The following IMPG1 variants were observed in gnomAD, a reference collection of about 807,000 sequenced individuals.
The protein encoded by IMPG1 is interphotoreceptor matrix proteoglycan of 150 kDa.
IMPG1 carries 85 observed loss-of-function variants against 92.0 expected under a neutral mutation model. The observed-to-expected ratio is 0.92, with a 90% CI of 0.78 to 1.11. The LOEUF (loss-of-function observed/expected upper bound fraction) is 1.11. Ranked by LOEUF, IMPG1 falls within the 50% of genes least tolerant of loss-of-function variation. IMPG1 has a pLI of 0.00. For synonymous variants in IMPG1, 367 were observed against 334.1 expected, an observed-to-expected ratio of 1.10 and a Z score of -1.08; for missense variants, 1,022 against 956.0, an observed-to-expected ratio of 1.07 and a Z score of -0.91.
At chr6:76,049,372 T>C (rs1562383803) in intron 1 of IMPG1, among the ~76,000 whole-genome samples, 1 of 152,204 alleles carries the variant, frequency 6.6e-6, no homozygotes. Context: ...TGTCTTTCCC[T>C]CCTTTTCCAA....
At position 76,005,515 on chromosome 6, in the gene IMPG1, G is replaced by A. The variant is rs1366194463; in HGVS notation, c.907C>T (p.Gln303Ter). 7.4e-6 allele frequency: 12 copies of A among 1,613,898 alleles called. No homozygotes were observed. Among genetic ancestry groups the A allele is most frequent in the Middle Eastern group, 1.7e-4 (1 of 6,048 alleles). ...EKDGSSSTEM[Q>*]LTAIFKRHSA... ...TGTCTCTTAAAGATGGCCGTAAGTTGCATCTCTGTGGAGCTTGAGCTGTAG... is the reference window on the plus strand; with the variant it reads ...TGTCTCTTAAAGATGGCCGTAAGTTACATCTCTGTGGAGCTTGAGCTGTAG... Residue 303 changes from glutamine (Q) to a stop codon, truncating the protein, a stop_gained, in exon 10 of 17, where the codon CAA becomes TAA. Transcript: ENST00000369950. LOFTEE classifies it high-confidence loss of function.
chr6:75,990,233 A>G (rs1318281036), intron 12 of IMPG1, among the ~76,000 whole-genome samples: 1 of 152,204 alleles, frequency 6.6e-6, no homozygotes, highest in East Asian at 1.9e-4. Flanking sequence ...AGCATTTCAA[A>G]TTGCATAAAG....
intron 12 of IMPG1, among the ~76,000 whole-genome samples, chr6:75,999,820 A>G (rs963897471): frequency 2.0e-5 from 3 of 152,240 alleles, no homozygotes; most frequent in African/African-American, 7.2e-5. Flanking sequence ...CTTATAGAGC[A>G]TTGACTGAAG....
At chr6:76,037,866 A>G (rs141985312) in intron 2 of IMPG1, among the ~76,000 whole-genome samples, 3 of 152,242 alleles carry the variant, frequency 2.0e-5, no homozygotes, top group Non-Finnish European at 2.9e-5. Flanking sequence ...GGAAGATATT[A>G]TGTGACAATC....
At chr6:76,052,309 C>A (rs1057215937) in intron 1 of IMPG1, among the ~76,000 whole-genome samples, 2 of 152,104 alleles carry the variant, frequency 1.3e-5, no homozygotes, top group Non-Finnish European at 2.9e-5. Flanking sequence ...GAGGGCAGGG[C>A]ATATTGAGAA....
chr6:75,948,919 C>G (rs984628269), intron 13 of IMPG1, among the ~76,000 whole-genome samples: 2 of 152,120 alleles, frequency 1.3e-5, no homozygotes, highest in Admixed American at 6.6e-5. Flanking sequence ...TACCAATGAC[C>G]CAGCTTTGAC....
intron 12 of IMPG1, among the ~76,000 whole-genome samples, chr6:76,001,773 T>C (rs372709525): frequency 3.3e-5 from 5 of 152,228 alleles, no homozygotes; most frequent in South Asian, 2.1e-4. Context: ...TACAGATTTA[T>C]TGGCAAAATA....
chr6:76,026,086 T>G (rs866820136), intron 4 of IMPG1, among the ~76,000 whole-genome samples: 6 of 151,030 alleles, frequency 4.0e-5, no homozygotes, highest in African/African-American at 1.2e-4. Flanking sequence ...TCAAGCTGCA[T>G]GCGGGAAGCA....
At position 75,950,934 on chromosome 6, in the gene IMPG1, A is replaced by C. The variant is rs1782019558; in HGVS notation, c.1452T>G (p.Ser484Arg). 5 of 1,613,960 alleles carry C rather than the reference A, an allele frequency of 3.1e-6. No individual in the cohort carries two copies. The highest frequency in any genetic ancestry group is 4.2e-6 in the Non-Finnish European group (5 of 1,179,950). ...CCAGTTGGCTGATTGCAGAATAATC[A>C]CTGGTGGGGATGGTGAGCCCTGGTA... ...MLVPGLTIPT[S>R]DYSAISQLAL... Residue 484 changes from serine (S) to arginine (R), a missense_variant, in exon 13 of 17, where the codon AGT becomes AGG. Transcript: ENST00000369950.
At chr6:76,005,793 C>A (rs945650724) in intron 9 of IMPG1, among the ~76,000 whole-genome samples, 3 of 151,654 alleles carry the variant, frequency 2.0e-5, no homozygotes, top group African/African-American at 7.3e-5. Flanking sequence ...CTAACTGAAT[C>A]AAGTGACCAT....
At chr6:76,034,847 CA>C (rs1182453407) in intron 2 of IMPG1, 60 bp from the exon 3 acceptor site, 5 of 1,426,402 alleles carry the variant, frequency 3.5e-6, no homozygotes, top group Non-Finnish European at 3.9e-6. Context: ...CAATCCCAAG[CA>C]AAGTCTAATA....
intron 14 of IMPG1, among the ~76,000 whole-genome samples, chr6:75,934,481 GAA>G (rs1440426394): frequency 6.6e-6 from 1 of 152,172 alleles, no homozygotes; most frequent in African/African-American, 2.4e-5. Context: ...GGTGACTGAG[GAA>G]GTTTGTTTCC....
chr6:76,037,594 C>T (rs982615523), intron 2 of IMPG1, among the ~76,000 whole-genome samples: 1 of 152,190 alleles, frequency 6.6e-6, no homozygotes, highest in Non-Finnish European at 1.5e-5. Context: ...GGAAACAACA[C>T]TTGGATGTTT....
intron 9 of IMPG1, among the ~76,000 whole-genome samples, chr6:76,006,773 A>G (rs1402945825): frequency 1.3e-5 from 2 of 152,114 alleles, no homozygotes; most frequent in African/African-American, 4.8e-5. Flanking sequence ...TTATTATCCT[A>G]TTCATTAACT....
chr6:75,927,394 T>G (rs994728107), intron 15 of IMPG1, among the ~76,000 whole-genome samples: 4 of 152,150 alleles, frequency 2.6e-5, no homozygotes, highest in African/African-American at 9.7e-5. Context: ...TATGGTTGAT[T>G]GGGTTTTAAT....
At chr6:76,008,832 A>C (rs778883687) in intron 8 of IMPG1, among the ~76,000 whole-genome samples, 2 of 152,218 alleles carry the variant, frequency 1.3e-5, no homozygotes, top group Non-Finnish European at 2.9e-5. Context: ...CATATTCATC[A>C]ATCGCAAAGC....
intron 12 of IMPG1, among the ~76,000 whole-genome samples, chr6:75,963,547 C>T (rs142433391): frequency 1.8e-4 from 27 of 152,244 alleles, no homozygotes; most frequent in African/African-American, 6.3e-4. Flanking sequence ...TTAGACGCTC[C>T]AAAAGTCTGT....
chr6:75,921,666 C>T lies in IMPG1; in HGVS notation c.*423G>A, dbSNP rs116495016. 1,035 of 185,058 alleles carry T rather than the reference C, an allele frequency of 5.6e-3. 8 individuals are homozygous for T. The highest frequency in any genetic ancestry group is 0.022 in the African/African-American group (906 of 41,700). 11.5% of individuals were successfully genotyped at this position (185,058 alleles called of 1,614,324 possible). ...GTTTAGAGAGACCTGCATCTCCCTG[C>T]GTAAGTAGTCATCTTTTAAATGTAC... On this transcript the variant is annotated 3_prime_UTR_variant, in exon 17 of 17. Coordinates refer to ENST00000369950, the MANE Select transcript of IMPG1 (RefSeq NM_001563.4).
chr6:75,950,351 G>T lies in IMPG1; in HGVS notation c.1824+211C>A, dbSNP rs373402624. ...AATTTGTTCTTACAGATTGGGTGGC[G>T]GTGTCTTCCCATTTGTCTATCACAG... On this transcript the variant is annotated intron_variant, in intron 13 of 16. Transcript: ENST00000369950. 2.0e-5 allele frequency among the ~76,000 whole-genome samples: 3 copies of T among 152,212 alleles called. No homozygotes were observed. In the East Asian group the frequency reaches 5.8e-4, roughly 29 times the overall value.
Sources: gnomAD v4.1 joint callset for allele counts (sites outside exome capture counted in the v4.1 genomes callset) on GRCh38, gnomAD v4.1.1 for gene constraint, MANE v1.5 for transcripts, NCBI Gene and HGNC (gene_info 2026-07-23, HGNC 2026-07-21) for gene names.